The following OLFM3 variants were observed in gnomAD, a reference collection of about 807,000 sequenced individuals.
OLFM3 encodes noelin-3.
OLFM3 carries 20 observed loss-of-function variants against 48.6 expected under a neutral mutation model. The observed-to-expected ratio is 0.41, with a 90% CI of 0.29 to 0.60. OLFM3 has a LOEUF of 0.60. Ranked by LOEUF, OLFM3 falls within the 20% of genes least tolerant of loss-of-function variation. OLFM3 has a pLI of 0.28. For missense variants in OLFM3, 437 were observed against 544.3 expected, an observed-to-expected ratio of 0.80 and a Z score of 1.96; for synonymous variants, 222 against 198.1, an observed-to-expected ratio of 1.12 and a Z score of -1.01.
intron 1 of OLFM3, among the ~76,000 whole-genome samples, chr1:101,842,551 A>T (rs1025104169): frequency 2.0e-5 from 3 of 152,136 alleles, no homozygotes; most frequent in Admixed American, 6.5e-5. Context: ...TCTGAAAATA[A>T]TAATAATAAT....
intron 1 of OLFM3, among the ~76,000 whole-genome samples, chr1:101,940,777 T>C (rs1292598305): frequency 6.6e-6 from 1 of 151,114 alleles, no homozygotes; most frequent in East Asian, 1.9e-4. Context: ...TGTATATATA[T>C]ACACACAAAT....
chr1:101,854,240 A>C (rs1656332769), intron 1 of OLFM3, among the ~76,000 whole-genome samples: 1 of 146,920 alleles, frequency 6.8e-6, no homozygotes. Flanking sequence ...GGCCCTTGGC[A>C]ACCAATTAGG....
At chr1:101,871,811 C>T (rs556855074) in intron 1 of OLFM3, among the ~76,000 whole-genome samples, 1 of 151,900 alleles carries the variant, frequency 6.6e-6, no homozygotes, top group Non-Finnish European at 1.5e-5. Context: ...TGAAAATACA[C>T]TGAAACTAGA....
intron 1 of OLFM3, among the ~76,000 whole-genome samples, chr1:101,862,912 A>C (rs2100965556): frequency 6.6e-6 from 1 of 152,288 alleles, no homozygotes; most frequent in African/African-American, 2.4e-5. Flanking sequence ...CAGTGTTGTA[A>C]TGCCCTTTGA....
intron 1 of OLFM3, among the ~76,000 whole-genome samples, chr1:101,956,095 T>TTTATTA (rs1553183046): frequency 2.1e-5 from 3 of 143,796 alleles, no homozygotes; most frequent in East Asian, 4.0e-4. Context: ...GGTTTTTTTT[T>TTTATTA]TTTTTTTTAA....
intron 2 of OLFM3, 58 bp downstream of exon 2, chr1:101,836,821 C>T: frequency 6.5e-7 from 1 of 1,545,276 alleles, no homozygotes; most frequent in Admixed American, 1.7e-5. Flanking sequence ...ACCATATTTC[C>T]TTTTGAAAGA....
chr1:101,863,400 C>T (rs1304348368), intron 1 of OLFM3, among the ~76,000 whole-genome samples: 1 of 152,212 alleles, frequency 6.6e-6, no homozygotes, highest in Non-Finnish European at 1.5e-5. Flanking sequence ...TGCTACATAA[C>T]AGCCCTTCAA....
intron 1 of OLFM3, among the ~76,000 whole-genome samples, chr1:101,883,340 T>TACAC (rs1570594140): frequency 6.6e-6 from 1 of 150,556 alleles, no homozygotes; most frequent in African/African-American, 2.4e-5. Flanking sequence ...ATACTCTATA[T>TACAC]ATACACACAC....
intron 1 of OLFM3, among the ~76,000 whole-genome samples, chr1:101,903,937 C>G (rs1002083473): frequency 6.6e-6 from 1 of 152,018 alleles, no homozygotes; most frequent in East Asian, 1.9e-4. Flanking sequence ...TAATATGATA[C>G]TGGACACCTC....
chr1:101,810,680 A>C (rs755222745), intron 4 of OLFM3, among the ~76,000 whole-genome samples: 13 of 152,104 alleles, frequency 8.5e-5, no homozygotes, highest in Middle Eastern at 3.4e-3. Flanking sequence ...GAAACTGTGA[A>C]TATTCTGCAT....
intron 1 of OLFM3, among the ~76,000 whole-genome samples, chr1:101,972,773 C>T (rs1468384730): frequency 6.6e-6 from 1 of 152,080 alleles, no homozygotes; most frequent in Non-Finnish European, 1.5e-5. Flanking sequence ...TTTCTAAAAC[C>T]ATCCCTATGC....
At chr1:101,904,950 G>A (rs1293336935) in intron 1 of OLFM3, among the ~76,000 whole-genome samples, 1 of 152,030 alleles carries the variant, frequency 6.6e-6, no homozygotes, top group Non-Finnish European at 1.5e-5. Flanking sequence ...CACAATAGAA[G>A]GTAGAAAGTG....
chr1:101,930,909 G>A (rs1311611634), intron 1 of OLFM3, among the ~76,000 whole-genome samples: 1 of 152,122 alleles, frequency 6.6e-6, no homozygotes, highest in Admixed American at 6.6e-5. Flanking sequence ...CAAAATAATG[G>A]GACCTAAAGG....
chr1:101,972,413 T>C (rs12745840), intron 1 of OLFM3, among the ~76,000 whole-genome samples: 37,717 of 152,178 alleles, frequency 0.25, 5,243 homozygotes, highest in Middle Eastern at 0.36. Context: ...CCCTTTCTAC[T>C]ACTTGATCAA....
At chr1:101,987,250 T>C (rs1317264069) in intron 1 of OLFM3, among the ~76,000 whole-genome samples, 1 of 152,204 alleles carries the variant, frequency 6.6e-6, no homozygotes, top group African/African-American at 2.4e-5. Flanking sequence ...TATATTACAA[T>C]AGCTATCTCT....
At chr1:101,829,199 C>T (rs550595952) in intron 3 of OLFM3, among the ~76,000 whole-genome samples, 2 of 152,160 alleles carry the variant, frequency 1.3e-5, no homozygotes, top group Admixed American at 1.3e-4. Flanking sequence ...TGCTCTTCAT[C>T]CTCATATTCT....
chr1:101,936,118 C>T (rs1331506048), intron 1 of OLFM3, among the ~76,000 whole-genome samples: 2 of 152,054 alleles, frequency 1.3e-5, no homozygotes, highest in Non-Finnish European at 2.9e-5. Context: ...GAAGTCCTAG[C>T]CAGGGCAATC....
chr1:101,961,492 T>C (rs1252098434), intron 1 of OLFM3, among the ~76,000 whole-genome samples: 1 of 152,028 alleles, frequency 6.6e-6, no homozygotes, highest in Non-Finnish European at 1.5e-5. Flanking sequence ...TTTAAAAATA[T>C]TTAAGTCTAG....
chr1:101,807,834 T>A (rs1398953549), intron 4 of OLFM3, among the ~76,000 whole-genome samples: 2 of 151,808 alleles, frequency 1.3e-5, no homozygotes, highest in Non-Finnish European at 2.9e-5. Flanking sequence ...TATGACATTA[T>A]CTATGGAATT....
Sources: allele counts gnomAD v4.1 joint callset (sites outside exome capture counted in the v4.1 genomes callset), GRCh38; gene constraint gnomAD v4.1.1; transcripts MANE v1.5; gene names NCBI Gene and HGNC (gene_info 2026-07-23, HGNC 2026-07-21).